The following TARS2 variants were observed in gnomAD, a reference collection of about 807,000 sequenced individuals.
TARS2 encodes threonyl-tRNA synthetase 2, mitochondrial.
TARS2 carries 61 observed loss-of-function variants against 94.4 expected under a neutral mutation model. The observed-to-expected ratio is 0.65, with a 90% CI of 0.53 to 0.80. TARS2 has a LOEUF of 0.80. TARS2 is among the 30% of genes least tolerant of loss of function. The pLI, the probability that TARS2 is intolerant of heterozygous loss-of-function variation, is 0.00. For missense variants in TARS2, 704 were observed against 902.5 expected (o/e 0.78, Z 2.82); for synonymous variants, 359 against 353.4 (o/e 1.02, Z -0.18).
chr1:150,501,951 C>T (rs1033420103), intron 13 of TARS2, among the ~76,000 whole-genome samples: 2 of 151,760 alleles, frequency 1.3e-5, no homozygotes, highest in South Asian at 4.2e-4. Flanking sequence ...TTTGCTCTGT[C>T]GCCCAGGTTG....
chr1:150,489,172 C>T (rs759770032), intron 3 of TARS2, 85 bp downstream of exon 3: 54 of 1,598,004 alleles, frequency 3.4e-5, no homozygotes, highest in East Asian at 2.7e-4. Flanking sequence ...ATTCTTTTGC[C>T]GCAGTTTCTC....
chr1:150,489,735 G>T (rs1305188281), intron 3 of TARS2, among the ~76,000 whole-genome samples: 1 of 152,144 alleles, frequency 6.6e-6, no homozygotes, highest in African/African-American at 2.4e-5. Flanking sequence ...GAGGTCAAGA[G>T]TTCAAGACCA....
rs1669199097 is a variant in TARS2, at chr1:150,487,486, C to T, written c.36C>T (p.Leu12=). 6.2e-7 allele frequency: 1 copy of T among 1,614,212 alleles called. No individual in the cohort carries two copies. Among genetic ancestry groups the T allele is most frequent in the African/African-American group, 1.3e-5 (1 of 75,052 alleles). The change falls in exon 1 of 18, where the codon CTC becomes CTT. Residue 12 remains leucine, a synonymous_variant. Coordinates refer to ENST00000369064, the MANE Select transcript of TARS2 (RefSeq NM_025150.5). ...ATCAGAGGTGGCGGTGTCTCCGGCT[C>T]CAAGGTTTACAGGCTTGCAGGCTAC... ...ALYQRWRCLR[L]QGLQACRLHT...
Position 150,498,524 on chromosome 1 carries a change from A to G in TARS2, c.1261A>G (p.Arg421Gly). 2 of 1,592,514 alleles carry G rather than the reference A, an allele frequency of 1.3e-6. No homozygotes were observed. The highest frequency in any genetic ancestry group is 1.7e-6 in the Non-Finnish European group (2 of 1,172,244). Residue 421 changes from arginine to glycine, a missense_variant, in exon 11 of 18, where the codon AGA becomes GGA. Arg to Gly is a moderately radical substitution (Grantham distance 125). Around this residue, in one of 3 missense-constraint regions of TARS2, gnomAD observed 466 missense variants for 609.5 expected, o/e 0.76. Transcript: ENST00000369064. Reference protein sequence around the residue: ...AHCLMFAHRPRSWRELPLRLA... With the variant: ...AHCLMFAHRPGSWRELPLRLA... ...CAGCCTGATGTTCGCCCACCGGCCC[A>G]GATCCTGGCGGGAACTGCCCCTGCG...
In TARS2 at chr1:150,504,448, G is replaced by C. The variant is rs374153390; in HGVS notation, c.1718+13G>C. The C allele has an allele frequency of 4.3e-6, 7 of 1,613,324 alleles. No individual in the cohort carries two copies. The African/African-American group carries it at 9.3e-5, about 22-fold the overall frequency. On this transcript the variant is annotated intron_variant, in intron 14 of 17. Transcript: ENST00000369064. ...TCCAGTATAAGGGGTATAAAACCTT[G>C]CCCTATCCTCTTTTCCCTTGACAGT...
At chr1:150,495,708 T>G (rs1351257686) in intron 7 of TARS2, among the ~76,000 whole-genome samples, 1 of 136,770 alleles carries the variant, frequency 7.3e-6, no homozygotes, top group Non-Finnish European at 1.6e-5. Flanking sequence ...ATTAGTACTT[T>G]TTTGTTTGTT....
chr1:150,503,968 G>A (rs921509179), intron 13 of TARS2, among the ~76,000 whole-genome samples: 1 of 151,920 alleles, frequency 6.6e-6, no homozygotes, highest in Non-Finnish European at 1.5e-5. Flanking sequence ...ATCAGAGTAG[G>A]GTGTCTGATG....
chr1:150,503,742 C>CAT (rs1273054741), intron 13 of TARS2, among the ~76,000 whole-genome samples: 1 of 149,336 alleles, frequency 6.7e-6, no homozygotes, highest in African/African-American at 2.5e-5. Flanking sequence ...CACACACATA[C>CAT]ATATATATAT....
chr1:150,500,746 C>T (rs112218411), intron 13 of TARS2, among the ~76,000 whole-genome samples: 67 of 152,064 alleles, frequency 4.4e-4, no homozygotes, highest in Middle Eastern at 3.4e-3. Flanking sequence ...CACCTGTAAA[C>T]CCAGGAGGCG....
intron 15 of TARS2, 23 bp from the exon 16 acceptor site, chr1:150,504,883 A>G (rs1560259211): frequency 6.2e-7 from 1 of 1,614,108 alleles, no homozygotes; most frequent in Non-Finnish European, 8.5e-7. Flanking sequence ...CTAATTTGCC[A>G]TCACCTGTTC....
chr1:150,487,645 C>A, intron 1 of TARS2, 129 bp downstream of exon 1: 1 of 1,355,096 alleles, frequency 7.4e-7, no homozygotes, highest in Non-Finnish European at 1.0e-6. Context: ...CAGAAAAGGA[C>A]TCGTATCTAA....
Position 150,497,756 on chromosome 1 carries a change from G to A in TARS2, c.1238+9G>A. 6.2e-7 allele frequency: 1 copy of A among 1,612,072 alleles called. No homozygotes were observed. Among genetic ancestry groups the A allele is most frequent in the Non-Finnish European group, 8.5e-7 (1 of 1,179,062 alleles). On this transcript the variant is annotated intron_variant, in intron 10 of 17. Transcript: ENST00000369064. Reference sequence around the variant, plus strand: ...AACTGCCCTGCACACTGGTAAGCTGGGAGCTAGGGTTACAATCAGGTTGCT... The same window carrying A: ...AACTGCCCTGCACACTGGTAAGCTGAGAGCTAGGGTTACAATCAGGTTGCT...
At position 150,497,667 on chromosome 1, in the gene TARS2, T is replaced by C; in HGVS notation, c.1158T>C (p.Pro386=). The C allele has an allele frequency of 3.7e-6, 6 of 1,614,160 alleles. No individual in the cohort carries two copies. The highest frequency in any genetic ancestry group is 5.1e-6 in the Non-Finnish European group (6 of 1,180,024). Residue 386 remains proline (P), a synonymous_variant, in exon 10 of 18, where the codon CCT becomes CCC. Transcript: ENST00000369064. ...TGCAGCCCCCAGGCTCTGACAGGCC[T>C]CCCAGCTCCCAGAGTGACGATTCTA... ...FAVQPPGSDR[P]PSSQSDDSTR...
intron 17 of TARS2, among the ~76,000 whole-genome samples, chr1:150,506,484 GCGCACACACACACACA>G (rs1670214548): frequency 1.1e-5 from 1 of 93,444 alleles, no homozygotes; most frequent in Non-Finnish European, 2.2e-5. Context: ...AGACACGCGC[GCGCACACACACACACA>G]CACACACACA....
rs1223371958 is a variant in TARS2 at position 150,498,919 on chromosome 1, G to C, written c.1424G>C (p.Cys475Ser). 1.9e-6 allele frequency: 3 copies of C among 1,614,176 alleles called. No individual in the cohort carries two copies. In the South Asian group the frequency reaches 3.3e-5, roughly 18 times the overall value. The change falls in exon 12 of 18, where the codon TGT (cysteine) becomes TCT (serine). Residue 475 changes from cysteine to serine, a missense_variant. Transcript: ENST00000369064. ...TDQLEAEIQSCLDFLRSVYAV... is the reference protein window; with the variant it reads ...TDQLEAEIQSSLDFLRSVYAV... ...TAGCTGGAAGCAGAGATCCAAAGCT[G>C]TCTTGATTTCCTCCGTTCCGTCTAT...
rs368609900 is a variant in TARS2 at position 150,503,545 on chromosome 1, ATGTGTGTGTGTG to A, written c.1618-768_1618-757del. ...CCTACTGAAAAAAAAAAATACACAT[ATGTGTGTGTGTG>A]TGTGTGTGTGTGTGTGTGTGTATAT... On this transcript the variant is annotated intron_variant, in intron 13 of 17. Coordinates refer to ENST00000369064, the MANE Select transcript of TARS2 (RefSeq NM_025150.5). 7.3e-4 allele frequency among the ~76,000 whole-genome samples: 70 copies of A among 95,614 alleles called. 1 individual carries two copies. Among genetic ancestry groups the A allele is most frequent in the Non-Finnish European group, 1.0e-3 (44 of 42,150 alleles). The allele number at this position is 95,614 out of a possible 152,430, so 62.7% of individuals were successfully genotyped here.
At position 150,507,157 on chromosome 1, in the gene TARS2, G is replaced by A; in HGVS notation, c.*93G>A. 1 of 1,524,786 alleles carries A rather than the reference G, an allele frequency of 6.6e-7. No homozygotes were observed. The highest frequency in any genetic ancestry group is 8.9e-7 in the Non-Finnish European group (1 of 1,127,096). 94.5% of individuals were successfully genotyped at this position (1,524,786 alleles called of 1,614,324 possible). A position where few individuals can be genotyped will look rare whatever the true frequency, so the allele number is the denominator to read the frequency against. ...CCCAGCTGACAATGTGGAGCCCCCA[G>A]AACTTCAGAACTGTGTGGAGGCACA... On this transcript the variant is annotated 3_prime_UTR_variant, in exon 18 of 18. Coordinates refer to ENST00000369064, the MANE Select transcript of TARS2 (RefSeq NM_025150.5).
chr1:150,502,794 A>AT (rs1034619415), intron 13 of TARS2, among the ~76,000 whole-genome samples: 1 of 152,190 alleles, frequency 6.6e-6, no homozygotes, highest in African/African-American at 2.4e-5. Flanking sequence ...TTATTCCAGC[A>AT]TATGGTATTT....
In TARS2 at chr1:150,499,250, C is replaced by A. The variant is rs1669803500; in HGVS notation, c.1574C>A (p.Pro525His). ...LKQALKEFGE[P>H]WDLNSGDGAF... ...CAGGCCCTGAAGGAATTTGGAGAAC[C>A]CTGGGACCTCAACTCTGGAGATGGT... is the stretch of plus-strand genomic sequence containing the variant. The change falls in exon 13 of 18, where the codon CCC (proline) becomes CAC (histidine). Residue 525 changes from proline to histidine, a missense_variant. This residue lies in a region of TARS2 where 466 missense variants were observed against 609.5 expected (regional missense o/e 0.76). Transcript: ENST00000369064. 1 of 1,614,092 alleles carries A rather than the reference C, an allele frequency of 6.2e-7. No individual in the cohort carries two copies. The highest frequency in any genetic ancestry group is 1.3e-5 in the African/African-American group (1 of 74,984).
Sources: gnomAD v4.1 joint callset for allele counts (sites outside exome capture counted in the v4.1 genomes callset) on GRCh38, gnomAD v4.1.1 for gene constraint, gnomAD v4.1.1 regional missense constraint, MANE v1.5 for transcripts, NCBI Gene and HGNC (gene_info 2026-07-23, HGNC 2026-07-21) for gene names.